BORCS7: variants seen among roughly 807,000 people sequenced by gnomAD.
BORCS7 encodes the protein BLOC-1 related complex subunit 7.
In BORCS7, 20 loss-of-function variants were observed where a neutral mutation model predicts 17.5. The observed-to-expected ratio is 1.14, with a 90% CI of 0.80 to 1.66. The LOEUF is 1.66. Among genes scored for constraint, BORCS7 ranks in the 40% most tolerant of loss-of-function variants. The pLI, the probability that BORCS7 is intolerant of heterozygous loss-of-function variation, is 0.00. For synonymous variants in BORCS7, 57 were observed against 49.8 expected (o/e 1.14, Z -0.61); for missense variants, 122 against 129.7 (o/e 0.94, Z 0.29).
At chr10:102,860,625 C>G (rs1485655930) in intron 3 of BORCS7, 84 bp downstream of exon 3, 2 of 1,446,164 alleles carry the variant, frequency 1.4e-6, no homozygotes, top group South Asian at 2.3e-5. Flanking sequence ...TCAGCACTTT[C>G]CTGTGGAGGC....
In BORCS7 at chr10:102,855,411, C is replaced by A. The variant is rs560489281; in HGVS notation, c.141+984C>A. On this transcript the variant is annotated intron_variant, in intron 1 of 4. Coordinates refer to ENST00000339834, the MANE Select transcript of BORCS7 (RefSeq NM_001136200.2). ...GACCTCATGATCTGCCTGCATCAGC[C>A]TTCCAAAGTGCTGGGATTACAGGCG... is the stretch of plus-strand genomic sequence containing the variant. 1.3e-4 allele frequency among the ~76,000 whole-genome samples: 20 copies of A among 152,216 alleles called. No individual in the cohort carries two copies. In the South Asian group the frequency reaches 4.1e-3, roughly 32 times the overall value.
chr10:102,858,463 A>G (rs931120504), intron 1 of BORCS7, among the ~76,000 whole-genome samples: 5 of 152,010 alleles, frequency 3.3e-5, no homozygotes, highest in Non-Finnish European at 7.4e-5. Context: ...CAGCCTGGCC[A>G]ACACAGTGAA....
At chr10:102,860,576 G>A in intron 3 of BORCS7, 35 bp downstream of exon 3, 1 of 1,598,080 alleles carries the variant, frequency 6.3e-7, no homozygotes, top group Non-Finnish European at 8.6e-7. Context: ...ATTTGCTGCA[G>A]AATCATTATC....
intron 1 of BORCS7, 92 bp downstream of exon 1, chr10:102,854,519 T>C: frequency 7.0e-7 from 1 of 1,428,538 alleles, no homozygotes; most frequent in Non-Finnish European, 9.4e-7. Context: ...ATCTTGGGAA[T>C]TGTAGGCTGT....
chr10:102,859,241 C>G (rs1204894710), intron 1 of BORCS7, among the ~76,000 whole-genome samples: 1 of 151,084 alleles, frequency 6.6e-6, no homozygotes, highest in Non-Finnish European at 1.5e-5. Flanking sequence ...CTCCCAAGTT[C>G]AAGAGATTCT....
intron 3 of BORCS7, among the ~76,000 whole-genome samples, chr10:102,861,010 G>A (rs566519389): frequency 6.6e-6 from 1 of 152,248 alleles, no homozygotes; most frequent in Admixed American, 6.5e-5. Context: ...ATCATGTAGG[G>A]AATTTTGAAA....
chr10:102,862,092 T>G, intron 3 of BORCS7, 68 bp from the exon 4 acceptor site: 2 of 1,448,594 alleles, frequency 1.4e-6, no homozygotes, highest in Non-Finnish European at 1.9e-6. Context: ...CCTATATGTA[T>G]TATCTGGTCA....
At position 102,854,416 on chromosome 10, in the gene BORCS7, C is replaced by G; in HGVS notation, c.130C>G (p.Arg44Gly). The change falls in exon 1 of 5, where the codon CGG (arginine) becomes GGG (glycine). Residue 44 changes from arginine to glycine, a missense_variant. Transcript: ENST00000339834. ...CACCAAGCAGGTGCTGAAAGGCTCC[C>G]GGAGCTCCGAGGTGAGCTGGAAGTG... Reference protein sequence around the residue: ...ALTKQVLKGSRSSELLGQAAR... With the variant: ...ALTKQVLKGSGSSELLGQAAR... 6.5e-7 allele frequency: 1 copy of G among 1,539,768 alleles called. No individual in the cohort carries two copies. Among genetic ancestry groups the G allele is most frequent in the Non-Finnish European group, 8.8e-7 (1 of 1,136,502 alleles).
chr10:102,856,610 T>G (rs1844430967), intron 1 of BORCS7, among the ~76,000 whole-genome samples: 1 of 152,206 alleles, frequency 6.6e-6, no homozygotes, highest in Non-Finnish European at 1.5e-5. Context: ...ATGAACAAGT[T>G]AATGGTAAAA....
intron 4 of BORCS7, among the ~76,000 whole-genome samples, 170 bp downstream of exon 4, chr10:102,862,350 G>A (rs1243025317): frequency 1.1e-4 from 17 of 152,190 alleles, no homozygotes; most frequent in Non-Finnish European, 8.8e-5. Flanking sequence ...TTTCAAAGGT[G>A]TGCAGTAACT....
chr10:102,864,809 G>A lies in BORCS7; in HGVS notation c.*1885G>A, dbSNP rs2134103311. The A allele has an allele frequency of 6.6e-6, 1 of 151,996 alleles. No homozygotes were observed. The highest frequency in any genetic ancestry group is 1.9e-4 in the East Asian group (1 of 5,186). 9.4% of individuals were successfully genotyped at this position (151,996 alleles called of 1,614,324 possible). ...AGAATTAAATGGTGATCAAAAACAT[G>A]GAAAAAATACTTCACTAAATAACGT... is the stretch of plus-strand genomic sequence containing the variant. On this transcript the variant is annotated 3_prime_UTR_variant, in exon 5 of 5. Coordinates refer to ENST00000339834, the MANE Select transcript of BORCS7 (RefSeq NM_001136200.2).
At chr10:102,860,819 CG>C in intron 3 of BORCS7, 1 of 546,524 alleles carries the variant, frequency 1.8e-6, no homozygotes, top group Non-Finnish European at 3.3e-6. Context: ...AGGCAGGGCC[CG>C]TGCCAGGACC....
At chr10:102,861,763 T>G (rs1050488851) in intron 3 of BORCS7, among the ~76,000 whole-genome samples, 6 of 151,730 alleles carry the variant, frequency 4.0e-5, no homozygotes, top group African/African-American at 1.2e-4. Context: ...AAACAAAATA[T>G]ATATATATGG....
At chr10:102,860,745 A>C in intron 3 of BORCS7, 1 of 619,898 alleles carries the variant, frequency 1.6e-6, no homozygotes, top group Non-Finnish European at 2.9e-6. Context: ...AGCAGAGTCC[A>C]CCCTTTATGA....
At position 102,863,158 on chromosome 10, in the gene BORCS7, A is replaced by AC; in HGVS notation, c.*238dup. 2.9e-6 allele frequency: 1 copy of AC among 344,196 alleles called. No homozygotes were observed. Among genetic ancestry groups the AC allele is most frequent in the East Asian group, 5.6e-5 (1 of 17,870 alleles). The allele number at this position is 344,196 out of a possible 1,614,324, so 21.3% of individuals were successfully genotyped here. A position where few individuals can be genotyped will look rare whatever the true frequency, so the allele number is the denominator to read the frequency against. On this transcript the variant is annotated 3_prime_UTR_variant, in exon 5 of 5. Coordinates refer to ENST00000339834, the MANE Select transcript of BORCS7 (RefSeq NM_001136200.2). ...AGACCAGCCTGGCCAAGATGGTGAA[A>AC]CCCCGTCTCTACTAAAAATACAAAG...
Position 102,863,145 on chromosome 10 carries a change from C to T in BORCS7, c.*221C>T. The T allele has an allele frequency of 2.5e-6, 1 of 406,400 alleles. No homozygotes were observed. The highest frequency in any genetic ancestry group is 3.0e-5 in the South Asian group (1 of 33,698). The allele number at this position is 406,400 out of a possible 1,614,324, so 25.2% of individuals were successfully genotyped here. On this transcript the variant is annotated 3_prime_UTR_variant, in exon 5 of 5. Coordinates refer to ENST00000339834, the MANE Select transcript of BORCS7 (RefSeq NM_001136200.2). ...GGTCAGGAGTTCGAGACCAGCCTGGCCAAGATGGTGAAACCCCGTCTCTAC... is the reference window on the plus strand; with the variant it reads ...GGTCAGGAGTTCGAGACCAGCCTGGTCAAGATGGTGAAACCCCGTCTCTAC...
chr10:102,858,175 A>AT lies in BORCS7; in HGVS notation c.142-2157_142-2156insT, dbSNP rs199636403. On this transcript the variant is annotated intron_variant, in intron 1 of 4. Coordinates refer to ENST00000339834, the MANE Select transcript of BORCS7 (RefSeq NM_001136200.2). ...GTGAGACCATGTCTCAAAAAAAAAA[A>AT]AATATATATATATATAGAGAGAGAG... Among the ~76,000 whole-genome samples the AT allele has an allele frequency of 1.0e-2, 1,211 of 121,478 alleles. 10 individuals are homozygous for AT. The highest frequency in any genetic ancestry group is 0.016 in the Non-Finnish European group (907 of 55,670). The allele number at this position is 121,478 out of a possible 152,430, so 79.7% of individuals were successfully genotyped here. A position where few individuals can be genotyped will look rare whatever the true frequency, so the allele number is the denominator to read the frequency against.
chr10:102,860,314 T>C lies in BORCS7; in HGVS notation c.142-18T>C, dbSNP rs765217405. 14 of 1,611,734 alleles carry C rather than the reference T, an allele frequency of 8.7e-6. No individual in the cohort carries two copies. The Admixed American group carries it at 1.3e-4, about 15-fold the overall frequency. Reference sequence around the variant, plus strand: ...GTTTGGGAATTTTGATTATTACCATTTTATTTTTGTCTTCCAGCTGCTAGG... The same window carrying C: ...GTTTGGGAATTTTGATTATTACCATCTTATTTTTGTCTTCCAGCTGCTAGG... On this transcript the variant is annotated intron_variant, in intron 1 of 4. Transcript: ENST00000339834.
chr10:102,854,952 A>ATATTATATATAATATATGT (rs1844401729), intron 1 of BORCS7, among the ~76,000 whole-genome samples: 1 of 146,880 alleles, frequency 6.8e-6, no homozygotes, highest in Non-Finnish European at 1.5e-5. Context: ...TATATAATAT[A>ATATTATATATAATATATGT]CATATATATT....
Sources: allele counts gnomAD v4.1 joint callset (sites outside exome capture counted in the v4.1 genomes callset), GRCh38; gene constraint gnomAD v4.1.1; transcripts MANE v1.5; gene names NCBI Gene and HGNC (gene_info 2026-07-23, HGNC 2026-07-21).